CLTA: variants seen among roughly 807,000 people sequenced by gnomAD.
CLTA encodes clathrin, light polypeptide (Lca).
In CLTA, 9 loss-of-function variants were observed where a neutral mutation model predicts 26.9. That is an observed-to-expected ratio of 0.33 (90% CI 0.20 to 0.58). The LOEUF (loss-of-function observed/expected upper bound fraction) is 0.58, where lower values mean the gene tolerates loss of function less well. CLTA is among the 20% of genes least tolerant of loss of function. The pLI is 0.85. For missense variants in CLTA, 278 were observed against 294.2 expected (o/e 0.94, Z 0.40); for synonymous variants, 120 against 115.5 (o/e 1.04, Z -0.25).
intron 3 of CLTA, among the ~76,000 whole-genome samples, chr9:36,202,580 G>A (rs1446939634): frequency 2.6e-5 from 4 of 152,210 alleles, no homozygotes; most frequent in Admixed American, 1.3e-4. Flanking sequence ...TTTACAGCCA[G>A]ATCTGGGTTT....
intron 3 of CLTA, among the ~76,000 whole-genome samples, chr9:36,201,409 A>G (rs1255594109): frequency 1.3e-5 from 2 of 152,188 alleles, no homozygotes; most frequent in East Asian, 1.9e-4. Context: ...TTTGCTCTCT[A>G]AGGGGACTCT....
At chr9:36,201,356 C>T (rs927567308) in intron 3 of CLTA, among the ~76,000 whole-genome samples, 1 of 152,126 alleles carries the variant, frequency 6.6e-6, no homozygotes, top group African/African-American at 2.4e-5. Context: ...TTTCTCTGAC[C>T]AGTAACGAGG....
intron 2 of CLTA, among the ~76,000 whole-genome samples, chr9:36,198,514 A>G (rs1827187653): frequency 6.6e-6 from 1 of 151,750 alleles, no homozygotes; most frequent in Non-Finnish European, 1.5e-5. Context: ...CGTCTCTGCT[A>G]AAAATACAAA....
rs775804475 is a variant in CLTA at position 36,191,129 on chromosome 9, G to C, written c.73G>C (p.Gly25Arg). Reference protein sequence around the residue: ...GGPALGNGVAGAGEEDPAAAF... With the variant: ...GGPALGNGVARAGEEDPAAAF... ...TCCCGCGCTGGGGAACGGAGTGGCC[G>C]GCGCCGGCGAAGAAGACCCGGCTGC... Residue 25 changes from glycine to arginine, a missense_variant, in exon 1 of 5, where the codon GGC becomes CGC. Physicochemically the swap from Gly to Arg is moderately radical, Grantham distance 125 (BLOSUM62 -2). Coordinates refer to ENST00000345519, the MANE Select transcript of CLTA (RefSeq NM_001833.4). 18 of 1,600,684 alleles carry C rather than the reference G, an allele frequency of 1.1e-5. No individual in the cohort carries two copies. The South Asian group carries it at 1.9e-4, about 17-fold the overall frequency.
chr9:36,192,198 A>C (rs1054575539), intron 1 of CLTA, among the ~76,000 whole-genome samples: 8 of 152,220 alleles, frequency 5.3e-5, no homozygotes, highest in Non-Finnish European at 1.0e-4. Flanking sequence ...AGAATAGGGC[A>C]CTACTGGGGC....
chr9:36,201,987 T>A (rs973357742), intron 3 of CLTA, among the ~76,000 whole-genome samples: 1 of 151,804 alleles, frequency 6.6e-6, no homozygotes, highest in Non-Finnish European at 1.5e-5. Context: ...GGTGCACGCT[T>A]GTGGTCCCAG....
Position 36,199,420 on chromosome 9 carries a change from G to A in CLTA, c.373+324G>A, listed in dbSNP as rs190377385. Among the ~76,000 whole-genome samples, 13 of 151,970 alleles carry A rather than the reference G, an allele frequency of 8.6e-5. No homozygotes were observed. In the East Asian group the frequency reaches 2.5e-3, roughly 29 times the overall value. ...AGGATTCAAGTTTCCTATGTCCGTG[G>A]ACTTTAACAGTCCATTTTTCTTTTT... On this transcript the variant is annotated intron_variant, in intron 3 of 4. Transcript: ENST00000345519.
rs563843991 is a variant in CLTA at position 36,211,993 on chromosome 9, C to G, written c.*219C>G. 1.5e-6 allele frequency: 1 copy of G among 686,094 alleles called. No individual in the cohort carries two copies. The highest frequency in any genetic ancestry group is 1.8e-5 in the African/African-American group (1 of 56,822). 42.5% of individuals were successfully genotyped at this position (686,094 alleles called of 1,614,324 possible). ...AGGAAGAGGAAGGGGAGGGAAGCTT[C>G]CCAAGAGTAGCCTCAACCTGTGCTT... is the stretch of plus-strand genomic sequence containing the variant. On this transcript the variant is annotated 3_prime_UTR_variant, in exon 5 of 5. Transcript: ENST00000345519.
At chr9:36,194,112 G>A (rs1350321216) in intron 1 of CLTA, among the ~76,000 whole-genome samples, 3 of 152,082 alleles carry the variant, frequency 2.0e-5, no homozygotes, top group Non-Finnish European at 4.4e-5. Context: ...TGCAACCTCC[G>A]CCTCCTGGGT....
At chr9:36,211,148 C>T (rs1018878886) in intron 4 of CLTA, among the ~76,000 whole-genome samples, 2 of 152,218 alleles carry the variant, frequency 1.3e-5, no homozygotes, top group Admixed American at 1.3e-4. Context: ...CCGTTTCTCT[C>T]CAGCCTTAGG....
chr9:36,194,828 C>T (rs1157026132), intron 1 of CLTA, among the ~76,000 whole-genome samples: 3 of 152,220 alleles, frequency 2.0e-5, no homozygotes, highest in Non-Finnish European at 4.4e-5. Context: ...CAGCAACAGA[C>T]GATCCCTTGG....
chr9:36,202,326 C>T (rs1439894164), intron 3 of CLTA, among the ~76,000 whole-genome samples: 16 of 152,152 alleles, frequency 1.1e-4, no homozygotes, highest in Non-Finnish European at 2.4e-4. Context: ...TAAGACCTTT[C>T]TTGCAAAGGC....
At chr9:36,197,640 C>A in intron 2 of CLTA, 52 bp downstream of exon 2, 1 of 1,407,690 alleles carries the variant, frequency 7.1e-7, no homozygotes, top group Admixed American at 1.8e-5. Flanking sequence ...ATCTTCCTTT[C>A]CTGTGATTTT....
Position 36,200,585 on chromosome 9 carries a change from A to G in CLTA, c.373+1489A>G, listed in dbSNP as rs1467457514. Among the ~76,000 whole-genome samples, 6 of 152,222 alleles carry G rather than the reference A, an allele frequency of 3.9e-5. 1 individual carries two copies. Among genetic ancestry groups the G allele is most frequent in the Non-Finnish European group, 1.5e-5 (1 of 68,042 alleles). ...CAGATGACACAGCCAATTAGTGCCA[A>G]ATCATTTATCTCTCTAGTCCAATTT... is the stretch of plus-strand genomic sequence containing the variant. On this transcript the variant is annotated intron_variant, in intron 3 of 4. Transcript: ENST00000345519.
intron 4 of CLTA, among the ~76,000 whole-genome samples, chr9:36,210,146 A>T (rs1827958924): frequency 6.7e-6 from 1 of 148,696 alleles, no homozygotes. Flanking sequence ...TCAAAGCAGT[A>T]TTGCTGAAGA....
chr9:36,196,428 C>G (rs1827049498), intron 1 of CLTA, among the ~76,000 whole-genome samples: 1 of 150,652 alleles, frequency 6.6e-6, no homozygotes, highest in African/African-American at 2.4e-5. Flanking sequence ...CTCACTGCAA[C>G]CTCTGCCTCC....
chr9:36,190,907 C>G, upstream of CLTA: 1 of 1,341,506 alleles, frequency 7.5e-7, no homozygotes, highest in Non-Finnish European at 9.7e-7. Flanking sequence ...CGACCGGATA[C>G]ACGGGTAGGG....
intron 4 of CLTA, chr9:36,210,741 G>A (rs1827992925): frequency 6.5e-7 from 1 of 1,534,634 alleles, no homozygotes; most frequent in Non-Finnish European, 9.0e-7. Context: ...CTTCAGCGGT[G>A]TTTGCCACGG....
chr9:36,202,578 C>G (rs1359528824), intron 3 of CLTA, among the ~76,000 whole-genome samples: 1 of 152,190 alleles, frequency 6.6e-6, no homozygotes, highest in Non-Finnish European at 1.5e-5. Flanking sequence ...GCTTTACAGC[C>G]AGATCTGGGT....
Sources: allele counts gnomAD v4.1 joint callset (sites outside exome capture counted in the v4.1 genomes callset), GRCh38; gene constraint gnomAD v4.1.1; transcripts MANE v1.5; gene names NCBI Gene and HGNC (gene_info 2026-07-23, HGNC 2026-07-21).